The following LSM3 variants were observed in gnomAD, a reference collection of about 807,000 sequenced individuals.
LSM3 encodes LSM3 homolog, U6 small nuclear RNA and mRNA degradation associated.
Under a neutral mutation model 15.4 loss-of-function variants are expected in LSM3, and 14 were observed. That is an observed-to-expected ratio of 0.91 (90% CI 0.60 to 1.42). The LOEUF is 1.42. Among genes scored for constraint, LSM3 ranks in the 40% most tolerant of loss-of-function variants. The pLI is 0.00. For missense variants in LSM3, 88 were observed against 127.9 expected (o/e 0.69, Z 1.50); for synonymous variants, 46 against 45.1 (o/e 1.02, Z -0.08).
chr3:14,178,819 T>C lies in LSM3; in HGVS notation c.-42T>C, dbSNP rs370959483. ...CGTTTCCGGAGATTGACGTTGCTCTTGTGTTCTCGCGAGAGGCGGGAAAGG... is the reference window on the plus strand; with the variant it reads ...CGTTTCCGGAGATTGACGTTGCTCTCGTGTTCTCGCGAGAGGCGGGAAAGG... On this transcript the variant is annotated 5_prime_UTR_variant, in exon 1 of 4. Coordinates refer to ENST00000306024, the MANE Select transcript of LSM3 (RefSeq NM_014463.3). 1 of 1,613,314 alleles carries C rather than the reference T, an allele frequency of 6.2e-7. No individual in the cohort carries two copies. Among genetic ancestry groups the C allele is most frequent in the African/African-American group, 1.3e-5 (1 of 74,936 alleles).
rs145805608 is a variant in LSM3, at chr3:14,194,775, C to CTTTT, written c.229-3237_229-3234dup. ...TCTCTGATATTGAGTTTATAGCATC[C>CTTTT]TTTTTTTTTTTTTTTTTTTTTTTTT... On this transcript the variant is annotated intron_variant, in intron 3 of 3. Coordinates refer to ENST00000306024, the MANE Select transcript of LSM3 (RefSeq NM_014463.3). 0.01 allele frequency among the ~76,000 whole-genome samples: 893 copies of CTTTT among 88,760 alleles called. 58 individuals carry two copies. In the East Asian group the frequency reaches 0.14, roughly 14 times the overall value. 58.2% of individuals were successfully genotyped at this position (88,760 alleles called of 152,430 possible).
intron 1 of LSM3, 125 bp downstream of exon 1, chr3:14,179,006 C>T: frequency 9.6e-7 from 1 of 1,039,450 alleles, no homozygotes; most frequent in South Asian, 1.4e-5. Context: ...CCACCCTGTC[C>T]TTTCCGTAAC....
chr3:14,186,458 G>A (rs567516625), intron 3 of LSM3, among the ~76,000 whole-genome samples: 2 of 152,206 alleles, frequency 1.3e-5, no homozygotes, highest in Non-Finnish European at 2.9e-5. Context: ...TGACAGGCAC[G>A]TTGTCACTGT....
rs959809925 is a variant in LSM3, at chr3:14,200,462, G to C, written c.*2346G>C. ...GGACTTCTGAGTCTGCAGAGCACTCGGCTCCAGCCAGCTGGATGGCAGGTG... is the reference window on the plus strand; with the variant it reads ...GGACTTCTGAGTCTGCAGAGCACTCCGCTCCAGCCAGCTGGATGGCAGGTG... On this transcript the variant is annotated 3_prime_UTR_variant, in exon 4 of 4. Coordinates refer to ENST00000306024, the MANE Select transcript of LSM3 (RefSeq NM_014463.3). 2 of 152,350 alleles carry C rather than the reference G, an allele frequency of 1.3e-5. No homozygotes were observed. Among genetic ancestry groups the C allele is most frequent in the Admixed American group, 1.3e-4 (2 of 15,280 alleles). The allele number at this position is 152,350 out of a possible 1,614,324, so 9.4% of individuals were successfully genotyped here.
At chr3:14,184,727 A>G (rs1242303771) in intron 3 of LSM3, among the ~76,000 whole-genome samples, 86 of 149,940 alleles carry the variant, frequency 5.7e-4, no homozygotes, top group African/African-American at 1.9e-3. Context: ...ACTGCACTCC[A>G]GCCTGGGCGA....
Position 14,179,017 on chromosome 3 carries a change from C to G in LSM3, c.21+136C>G, listed in dbSNP as rs3731054. 52,949 of 934,176 alleles carry G rather than the reference C, an allele frequency of 0.057. 3,990 individuals are homozygous for G. Among genetic ancestry groups the G allele is most frequent in the East Asian group, 0.35 (13,681 of 39,626 alleles). 57.9% of individuals were successfully genotyped at this position (934,176 alleles called of 1,614,324 possible). Reference sequence around the variant, plus strand: ...TAATCCACCCTGTCCTTTCCGTAACCCCCCCTCCGAATTTTGCCGTAGGCC... The same window carrying G: ...TAATCCACCCTGTCCTTTCCGTAACGCCCCCTCCGAATTTTGCCGTAGGCC... On this transcript the variant is annotated intron_variant, in intron 1 of 3. Transcript: ENST00000306024.
At chr3:14,194,328 C>T (rs1332007044) in intron 3 of LSM3, among the ~76,000 whole-genome samples, 9 of 152,186 alleles carry the variant, frequency 5.9e-5, no homozygotes, top group African/African-American at 1.7e-4. Context: ...CAGGCAGAGA[C>T]GTTTAAGTCT....
At chr3:14,192,511 C>T (rs983746523) in intron 3 of LSM3, among the ~76,000 whole-genome samples, 4 of 152,122 alleles carry the variant, frequency 2.6e-5, no homozygotes, top group Non-Finnish European at 5.9e-5. Context: ...CTTCTTGCTG[C>T]ATTGTTCCCT....
chr3:14,183,948 A>G lies in LSM3; in HGVS notation c.144A>G (p.Gln48=), dbSNP rs756095592. Residue 48 remains glutamine, a synonymous_variant, in exon 3 of 4, where the codon CAA becomes CAG. Coordinates refer to ENST00000306024, the MANE Select transcript of LSM3 (RefSeq NM_014463.3). Reference sequence around the variant, plus strand: ...CCCTCCCACTTTAGGCTTATGATCAACATTTAAATATGATCTTGGGAGATG... The same window carrying G: ...CCCTCCCACTTTAGGCTTATGATCAGCATTTAAATATGATCTTGGGAGATG... ...ELRGRLHAYD[Q]HLNMILGDVE... is the part of the protein sequence containing the mutation. 3.1e-6 allele frequency: 5 copies of G among 1,605,344 alleles called. No homozygotes were observed. The highest frequency in any genetic ancestry group is 1.7e-5 in the Admixed American group (1 of 58,616).
intron 3 of LSM3, among the ~76,000 whole-genome samples, chr3:14,187,309 C>T (rs913400355): frequency 6.6e-6 from 1 of 152,202 alleles, no homozygotes; most frequent in Non-Finnish European, 1.5e-5. Flanking sequence ...CTGGTTAGCT[C>T]CTGAACGCTG....
At chr3:14,191,018 G>A (rs894921718) in intron 3 of LSM3, among the ~76,000 whole-genome samples, 5 of 152,114 alleles carry the variant, frequency 3.3e-5, no homozygotes, top group African/African-American at 1.2e-4. Flanking sequence ...TTTTATCGAA[G>A]GCCTTTTCTG....
chr3:14,194,106 A>G (rs1205141288), intron 3 of LSM3, among the ~76,000 whole-genome samples: 3 of 152,218 alleles, frequency 2.0e-5, no homozygotes, highest in African/African-American at 7.2e-5. Flanking sequence ...AGCAGCAAAG[A>G]TTGCTGCCTG....
intron 3 of LSM3, among the ~76,000 whole-genome samples, chr3:14,192,178 G>T (rs956580533): frequency 3.3e-5 from 5 of 152,208 alleles, no homozygotes; most frequent in African/African-American, 1.2e-4. Context: ...TTTTACATTT[G>T]CTGAGGAGTG....
At chr3:14,185,111 G>A (rs1697076345) in intron 3 of LSM3, among the ~76,000 whole-genome samples, 1 of 151,994 alleles carries the variant, frequency 6.6e-6, no homozygotes, top group Admixed American at 6.6e-5. Flanking sequence ...ACCACTTTGG[G>A]AGGCCAAAGC....
chr3:14,193,785 C>T (rs2607744), intron 3 of LSM3, among the ~76,000 whole-genome samples: 2 of 151,926 alleles, frequency 1.3e-5, no homozygotes, highest in Non-Finnish European at 2.9e-5. Flanking sequence ...TTTTTCAGTT[C>T]ATCAGACTCA....
At chr3:14,183,916 T>G in intron 2 of LSM3, 21 bp from the exon 3 acceptor site, 1 of 1,577,924 alleles carries the variant, frequency 6.3e-7, no homozygotes, top group Non-Finnish European at 8.6e-7. Flanking sequence ...AATTTCTTGG[T>G]TCTGTACCCT....
In LSM3 at chr3:14,180,820, C is replaced by CTTTTTTTTTTTTTTTTTT. The variant is rs1436714313; in HGVS notation, c.22-740_22-739insTTTTTTTTTTTTTTTTTT. 3.9e-5 allele frequency among the ~76,000 whole-genome samples: 2 copies of CTTTTTTTTTTTTTTTTTT among 51,398 alleles called. 1 individual carries two copies. 33.7% of individuals were successfully genotyped at this position (51,398 alleles called of 152,430 possible). A position where few individuals can be genotyped will look rare whatever the true frequency, so the allele number is the denominator to read the frequency against. ...TGACTCCAAAGCCAGTGCTTGCTTG[C>CTTTTTTTTTTTTTTTTTT]CTTTTTTTTTTTTTTTTTTTTTTTT... On this transcript the variant is annotated intron_variant, in intron 1 of 3. Coordinates refer to ENST00000306024, the MANE Select transcript of LSM3 (RefSeq NM_014463.3).
rs772873353 is a variant in LSM3 at position 14,181,517 on chromosome 3, T to C, written c.22-43T>C. The C allele has an allele frequency of 7.0e-6, 9 of 1,283,848 alleles. No homozygotes were observed. In the East Asian group the frequency reaches 1.8e-4, roughly 26 times the overall value. The allele number at this position is 1,283,848 out of a possible 1,614,324, so 79.5% of individuals were successfully genotyped here. ...AGCATAGCAGTGATTTAAGCACTAC[T>C]CTGACTCTAGTACTACATTACTAAT... is the stretch of plus-strand genomic sequence containing the variant. On this transcript the variant is annotated intron_variant, in intron 1 of 3. Transcript: ENST00000306024.
chr3:14,180,845 TTTTTTTTTTTTTAAAA>T (rs1697030116), intron 1 of LSM3, among the ~76,000 whole-genome samples: 1 of 103,752 alleles, frequency 9.6e-6, no homozygotes, highest in African/African-American at 4.1e-5. Flanking sequence ...TTTTTTTTTT[TTTTTTTTTTTTTAAAA>T]AAAAAAAAGA....
Sources: gnomAD v4.1 joint callset for allele counts (sites outside exome capture counted in the v4.1 genomes callset) on GRCh38, gnomAD v4.1.1 for gene constraint, MANE v1.5 for transcripts, NCBI Gene and HGNC (gene_info 2026-07-23, HGNC 2026-07-21) for gene names.